PDSS2: variants seen among roughly 807,000 people sequenced by gnomAD.
PDSS2 encodes all trans-polyprenyl-diphosphate synthase PDSS2.
Under a neutral mutation model 44.5 loss-of-function variants are expected in PDSS2, and 31 were observed. The ratio of observed to expected loss-of-function variants is 0.70; its 90% confidence interval spans 0.52 to 0.94. PDSS2 has a LOEUF of 0.94. Ranked by LOEUF, PDSS2 falls within the 40% of genes least tolerant of loss-of-function variation. The pLI is 0.00. For synonymous variants in PDSS2, 157 were observed against 180.3 expected, an observed-to-expected ratio of 0.87 and a Z score of 1.03; for missense variants, 452 against 482.2, an observed-to-expected ratio of 0.94 and a Z score of 0.59.
chr6:107,314,352 A>G (rs943857444), intron 2 of PDSS2, among the ~76,000 whole-genome samples: 2 of 152,140 alleles, frequency 1.3e-5, no homozygotes, highest in African/African-American at 4.8e-5. Context: ...ATAATCTTCT[A>G]TAGAGACATT....
rs118203956 is a variant in PDSS2, at chr6:107,154,674, G to A, written c.1145C>T (p.Ser382Leu). ...ALEALESFPP[S>L]EARSALENIV... ...GTTTTCTAAAGCAGATCTGGCCTCC[G>A]AGGGAGGAAAGCTCTCCAGGGCCTC... The change falls in exon 8 of 8, where the codon TCG becomes TTG. Residue 382 changes from serine to leucine, a missense_variant. Coordinates refer to ENST00000369037, the MANE Select transcript of PDSS2 (RefSeq NM_020381.4). 35 of 1,613,988 alleles carry A rather than the reference G, an allele frequency of 2.2e-5. No individual in the cohort carries two copies. Among genetic ancestry groups the A allele is most frequent in the Admixed American group, 3.3e-5 (2 of 60,002 alleles).
At chr6:107,308,249 G>C (rs973985936) in intron 2 of PDSS2, among the ~76,000 whole-genome samples, 1 of 152,024 alleles carries the variant, frequency 6.6e-6, no homozygotes, top group Non-Finnish European at 1.5e-5. Context: ...TAAATATTTT[G>C]ATTATTTGTA....
At chr6:107,429,921 TATATATATATATATATAC>T (rs1781137163) in intron 1 of PDSS2, among the ~76,000 whole-genome samples, 1 of 110,934 alleles carries the variant, frequency 9.0e-6, no homozygotes, top group Non-Finnish European at 1.8e-5. Context: ...TATATATATA[TATATATATATATATATAC>T]ACCAAACCCA....
At chr6:107,275,425 A>C (rs538601370) in intron 2 of PDSS2, among the ~76,000 whole-genome samples, 1 of 152,238 alleles carries the variant, frequency 6.6e-6, no homozygotes, top group South Asian at 2.1e-4. Context: ...CATGTGAGTC[A>C]TGTCTTTTGG....
At chr6:107,229,278 C>T (rs1021453791) in intron 4 of PDSS2, among the ~76,000 whole-genome samples, 1 of 152,152 alleles carries the variant, frequency 6.6e-6, no homozygotes, top group African/African-American at 2.4e-5. Flanking sequence ...CCTCCACCTC[C>T]TGGGTTCAAG....
intron 2 of PDSS2, among the ~76,000 whole-genome samples, chr6:107,306,827 A>T (rs1776875675): frequency 6.6e-6 from 1 of 152,210 alleles, no homozygotes; most frequent in Non-Finnish European, 1.5e-5. Context: ...TGCACAATAA[A>T]CAGAAACAGT....
intron 2 of PDSS2, among the ~76,000 whole-genome samples, chr6:107,307,223 T>TTA (rs1776887919): frequency 6.6e-6 from 1 of 152,210 alleles, no homozygotes; most frequent in Non-Finnish European, 1.5e-5. Flanking sequence ...TGTGATGTGC[T>TTA]TGGTGATGCC....
chr6:107,228,539 CA>C (rs1284286023), intron 4 of PDSS2, among the ~76,000 whole-genome samples: 1 of 151,876 alleles, frequency 6.6e-6, no homozygotes, highest in Admixed American at 6.6e-5. Flanking sequence ...ACTAAAAATA[CA>C]AAAAATTAGC....
In PDSS2 at chr6:107,311,579, AG is replaced by A. The variant is rs1217387360; in HGVS notation, c.431+22618del. The stretch of plus-strand genomic sequence containing the variant: ...CAATTTTGATAGGATGTGGGGTAAA[AG>A]ATGAAGATACAGTGTAGTCCTTGAA... On this transcript the variant is annotated intron_variant, in intron 2 of 7. Transcript: ENST00000369037. Among the ~76,000 whole-genome samples the A allele has an allele frequency of 2.0e-5, 3 of 152,282 alleles. No individual in the cohort carries two copies. The East Asian group carries it at 5.8e-4, about 29-fold the overall frequency.
At chr6:107,208,315 T>TTTTTA (rs1418899584) in intron 6 of PDSS2, among the ~76,000 whole-genome samples, 1 of 111,374 alleles carries the variant, frequency 9.0e-6, no homozygotes, top group Non-Finnish European at 1.8e-5. Flanking sequence ...TTTTTTTTTT[T>TTTTTA]AAAGACAGTC....
chr6:107,355,809 C>T (rs1778581946), intron 1 of PDSS2, among the ~76,000 whole-genome samples: 2 of 152,200 alleles, frequency 1.3e-5, no homozygotes, highest in African/African-American at 4.8e-5. Context: ...TAACAATAGT[C>T]ATATCCCAGC....
chr6:107,264,970 A>T (rs1775367108), intron 3 of PDSS2, among the ~76,000 whole-genome samples: 1 of 152,194 alleles, frequency 6.6e-6, no homozygotes, highest in Non-Finnish European at 1.5e-5. Flanking sequence ...CTAAAATAAA[A>T]ACTTGCCCTT....
chr6:107,339,631 T>C (rs1031737765), intron 1 of PDSS2, among the ~76,000 whole-genome samples: 1 of 151,656 alleles, frequency 6.6e-6, no homozygotes, highest in South Asian at 2.1e-4. Flanking sequence ...GAGCTTGGAA[T>C]ACAGAAAGTA....
At chr6:107,183,407 G>A (rs1261649492) in intron 7 of PDSS2, among the ~76,000 whole-genome samples, 2 of 152,106 alleles carry the variant, frequency 1.3e-5, no homozygotes, top group African/African-American at 2.4e-5. Flanking sequence ...TAAATGCTAA[G>A]ACATCTTTGG....
chr6:107,402,451 C>CACATCTATATACGTATATATATGTAT (rs1780140400), intron 1 of PDSS2, among the ~76,000 whole-genome samples: 2 of 8,120 alleles, frequency 2.5e-4, no homozygotes, highest in African/African-American at 1.3e-3. Flanking sequence ...CACACACACA[C>CACATCTATATACGTATATATATGTAT]ACATATATAT....
chr6:107,397,933 C>T (rs1440701569), intron 1 of PDSS2, among the ~76,000 whole-genome samples: 1 of 152,094 alleles, frequency 6.6e-6, no homozygotes, highest in Non-Finnish European at 1.5e-5. Context: ...AGTAAACCAA[C>T]ATTTCCAAAT....
At chr6:107,284,956 A>G (rs1464436634) in intron 2 of PDSS2, among the ~76,000 whole-genome samples, 2 of 152,192 alleles carry the variant, frequency 1.3e-5, no homozygotes, top group Non-Finnish European at 2.9e-5. Flanking sequence ...GGTAAGCTTT[A>G]TTATCTCTTC....
In PDSS2 at chr6:107,359,902, C is replaced by T. The variant is rs112051419; in HGVS notation, c.297-25570G>A. Among the ~76,000 whole-genome samples, 410 of 152,180 alleles carry T rather than the reference C, an allele frequency of 2.7e-3. 1 individual carries two copies. The highest frequency in any genetic ancestry group is 6.6e-3 in the East Asian group (34 of 5,176). On this transcript the variant is annotated intron_variant, in intron 1 of 7. Transcript: ENST00000369037. ...TTGCTCTCCCTCTTGCCCAAGAAAC[C>T]CTTAGTACATCCTTTCCTATTCTTT...
At chr6:107,422,799 G>A (rs319092) in intron 1 of PDSS2, among the ~76,000 whole-genome samples, 1 of 151,848 alleles carries the variant, frequency 6.6e-6, no homozygotes, top group African/African-American at 2.4e-5. Flanking sequence ...GTAACTTTTC[G>A]TTATATATTT....
Sources: gnomAD v4.1 joint callset for allele counts (sites outside exome capture counted in the v4.1 genomes callset) on GRCh38, gnomAD v4.1.1 for gene constraint, MANE v1.5 for transcripts, NCBI Gene and HGNC (gene_info 2026-07-23, HGNC 2026-07-21) for gene names.